Variants in SPIDR observed in about 807,000 individuals in gnomAD.
SPIDR encodes DNA repair-scaffolding protein.
In SPIDR, 93 loss-of-function variants were observed where a neutral mutation model predicts 104.6. The ratio of observed to expected loss-of-function variants is 0.89; its 90% CI spans 0.75 to 1.06. SPIDR has a LOEUF of 1.06. SPIDR is among the 50% of genes least tolerant of loss of function. SPIDR has a pLI of 0.00. For missense variants in SPIDR, 1,154 were observed against 1,111.2 expected (o/e 1.04, Z -0.55); for synonymous variants, 431 against 416.9 (o/e 1.03, Z -0.41).
At chr8:47,386,920 T>TAGATATAGATAG in intron 5 of SPIDR, among the ~76,000 whole-genome samples, 1 of 91,376 alleles carries the variant, frequency 1.1e-5, no homozygotes, top group Non-Finnish European at 2.1e-5. Flanking sequence ...GATATAGATA[T>TAGATATAGATAG]AGATATAGAT....
chr8:47,703,973 G>A (rs1310851339), intron 14 of SPIDR, among the ~76,000 whole-genome samples: 3 of 152,188 alleles, frequency 2.0e-5, no homozygotes, highest in East Asian at 1.9e-4. Flanking sequence ...AGAACACAGC[G>A]CTGATACATA....
At chr8:47,411,446 C>T (rs1554671466) in intron 7 of SPIDR, among the ~76,000 whole-genome samples, 1 of 152,196 alleles carries the variant, frequency 6.6e-6, no homozygotes, top group Admixed American at 6.5e-5. Context: ...CTCTTGGCTG[C>T]ATAAATGTCT....
At chr8:47,687,280 T>C (rs1297706174) in intron 11 of SPIDR, among the ~76,000 whole-genome samples, 2 of 152,244 alleles carry the variant, frequency 1.3e-5, no homozygotes, top group African/African-American at 4.8e-5. Context: ...AACAACAATT[T>C]AATAATCTCT....
intron 5 of SPIDR, among the ~76,000 whole-genome samples, chr8:47,347,173 C>T (rs1049788862): frequency 7.9e-5 from 12 of 152,144 alleles, no homozygotes; most frequent in Non-Finnish European, 1.8e-4. Flanking sequence ...TTTCAAAGAA[C>T]ACCTTTATTT....
chr8:47,487,936 A>G (rs1490771799), intron 8 of SPIDR, among the ~76,000 whole-genome samples: 2 of 152,230 alleles, frequency 1.3e-5, no homozygotes, highest in Non-Finnish European at 2.9e-5. Context: ...TAACATCACA[A>G]TTAAAAGAAC....
At position 47,599,210 on chromosome 8, in the gene SPIDR, T is replaced by C; in HGVS notation, c.1544+14T>C. On this transcript the variant is annotated intron_variant, in intron 10 of 19. Transcript: ENST00000297423. Reference sequence around the variant, plus strand: ...AGCTGGAACTCGGTGAGTGCCAAGATGCTGGTGTGGGGCAGAGGTGAAGAG... The same window carrying C: ...AGCTGGAACTCGGTGAGTGCCAAGACGCTGGTGTGGGGCAGAGGTGAAGAG... 1 of 1,612,124 alleles carries C rather than the reference T, an allele frequency of 6.2e-7. No individual in the cohort carries two copies. The highest frequency in any genetic ancestry group is 8.5e-7 in the Non-Finnish European group (1 of 1,179,144).
intron 5 of SPIDR, among the ~76,000 whole-genome samples, chr8:47,386,273 G>C (rs553600812): frequency 7.9e-5 from 12 of 152,122 alleles, no homozygotes; most frequent in Non-Finnish European, 1.5e-4. Flanking sequence ...TTATTATTTG[G>C]TAAGTGTAGT....
chr8:47,494,644 A>G (rs1193769189), intron 8 of SPIDR, among the ~76,000 whole-genome samples: 1 of 152,098 alleles, frequency 6.6e-6, no homozygotes, highest in Non-Finnish European at 1.5e-5. Context: ...ATGAGATTAT[A>G]TATCTGAAAG....
At chr8:47,346,592 G>C (rs530706262) in intron 5 of SPIDR, among the ~76,000 whole-genome samples, 1 of 152,254 alleles carries the variant, frequency 6.6e-6, no homozygotes, top group South Asian at 2.1e-4. Flanking sequence ...GAATCTGTCT[G>C]GTCCTGGACT....
At chr8:47,349,438 A>T (rs981258471) in intron 5 of SPIDR, among the ~76,000 whole-genome samples, 2 of 152,200 alleles carry the variant, frequency 1.3e-5, no homozygotes, top group African/African-American at 4.8e-5. Context: ...GACCCCCTTG[A>T]GGAGGCAGTG....
chr8:47,457,628 A>G (rs1402950699), intron 8 of SPIDR, among the ~76,000 whole-genome samples: 1 of 151,570 alleles, frequency 6.6e-6, no homozygotes, highest in Non-Finnish European at 1.5e-5. Context: ...TTTTTGTTGC[A>G]TTTGCTTTTG....
chr8:47,304,419 C>T lies in SPIDR; in HGVS notation c.525+10389C>T, dbSNP rs1554580320. Among the ~76,000 whole-genome samples, 710 of 152,254 alleles carry T rather than the reference C, an allele frequency of 4.7e-3. 4 individuals carry two copies. Among genetic ancestry groups the T allele is most frequent in the Non-Finnish European group, 8.2e-3 (561 of 68,022 alleles). On this transcript the variant is annotated intron_variant, in intron 5 of 19. Coordinates refer to ENST00000297423, the MANE Select transcript of SPIDR (RefSeq NM_001080394.4). Reference sequence around the variant, plus strand: ...CTGTGTCTCCTGCCTGTAACCCCAGCACTTTGGGAGGCCAAGATGGGAGGA... The same window carrying T: ...CTGTGTCTCCTGCCTGTAACCCCAGTACTTTGGGAGGCCAAGATGGGAGGA...
intron 10 of SPIDR, among the ~76,000 whole-genome samples, chr8:47,612,778 G>A (rs535327635): frequency 6.6e-6 from 1 of 152,156 alleles, no homozygotes; most frequent in Non-Finnish European, 1.5e-5. Flanking sequence ...AGTGTGCTCT[G>A]TTAATATTGT....
At chr8:47,585,146 G>A (rs1028594599) in intron 8 of SPIDR, among the ~76,000 whole-genome samples, 1 of 152,170 alleles carries the variant, frequency 6.6e-6, no homozygotes, top group Non-Finnish European at 1.5e-5. Flanking sequence ...TGTTAGGCAA[G>A]TTGAGCCCAG....
At chr8:47,472,550 C>G (rs1287800768) in intron 8 of SPIDR, among the ~76,000 whole-genome samples, 2 of 152,182 alleles carry the variant, frequency 1.3e-5, no homozygotes, top group Non-Finnish European at 2.9e-5. Flanking sequence ...TGATATCACA[C>G]ATGTAGTGTA....
chr8:47,378,456 T>G (rs564981326), intron 5 of SPIDR, among the ~76,000 whole-genome samples: 2 of 152,360 alleles, frequency 1.3e-5, no homozygotes, highest in African/African-American at 4.8e-5. Flanking sequence ...TTGCCTTTCT[T>G]TGTAATTGCA....
chr8:47,567,352 T>A (rs2057996333), intron 8 of SPIDR, among the ~76,000 whole-genome samples: 1 of 151,894 alleles, frequency 6.6e-6, no homozygotes, highest in African/African-American at 2.4e-5. Flanking sequence ...CCCGAGTAGC[T>A]GGGATTACAG....
At chr8:47,542,370 C>T (rs1245016269) in intron 8 of SPIDR, among the ~76,000 whole-genome samples, 1 of 151,900 alleles carries the variant, frequency 6.6e-6, no homozygotes, top group African/African-American at 2.4e-5. Flanking sequence ...TGTGAATGCC[C>T]AGAGTTGCGT....
intron 7 of SPIDR, among the ~76,000 whole-genome samples, chr8:47,417,872 A>G (rs569417287): frequency 5.9e-4 from 90 of 151,700 alleles, no homozygotes; most frequent in Middle Eastern, 3.4e-3. Flanking sequence ...ACCATTTATT[A>G]AATAGGGAAT....
Sources: allele counts gnomAD v4.1 joint callset (sites outside exome capture counted in the v4.1 genomes callset), GRCh38; gene constraint gnomAD v4.1.1; transcripts MANE v1.5; gene names NCBI Gene and HGNC (gene_info 2026-07-23, HGNC 2026-07-21).